NOL4: variants seen among roughly 807,000 people sequenced by gnomAD.
NOL4 encodes cancer/testis antigen 125.
Under a neutral mutation model 75.9 loss-of-function variants are expected in NOL4, and 17 were observed. That is an observed-to-expected ratio of 0.22 (90% CI 0.15 to 0.34). The LOEUF is 0.34. Ranked by LOEUF, NOL4 falls within the 10% of genes least tolerant of loss-of-function variation. The probability of loss-of-function intolerance (pLI) is 1.00; values close to 1 mark genes in which losing one functional copy is unlikely to be tolerated. For synonymous variants in NOL4, 292 were observed against 289.9 expected (o/e 1.01, Z -0.07); for missense variants, 614 against 793.5 (o/e 0.77, Z 2.72).
chr18:34,073,484 C>T (rs1239473179), intron 5 of NOL4, among the ~76,000 whole-genome samples: 4 of 151,934 alleles, frequency 2.6e-5, no homozygotes, highest in African/African-American at 7.2e-5. Context: ...CTCTAGCTTA[C>T]TTAAACTGCC....
intron 2 of NOL4, among the ~76,000 whole-genome samples, chr18:34,122,866 G>A (rs1205939100): frequency 6.6e-6 from 1 of 151,842 alleles, no homozygotes; most frequent in Non-Finnish European, 1.5e-5. Flanking sequence ...CAAACCTCTC[G>A]ATCTGAGTGA....
intron 1 of NOL4, among the ~76,000 whole-genome samples, chr18:34,160,952 C>T (rs575847842): frequency 1.4e-4 from 22 of 152,292 alleles, no homozygotes; most frequent in Admixed American, 7.8e-4. Context: ...TGTCCATTAA[C>T]CAGCTTCTCC....
intron 2 of NOL4, among the ~76,000 whole-genome samples, chr18:34,115,129 C>T (rs1031217145): frequency 6.6e-6 from 1 of 152,092 alleles, no homozygotes; most frequent in Non-Finnish European, 1.5e-5. Context: ...AGTTCGAGCA[C>T]AAAGATGGAG....
At chr18:34,078,611 A>G (rs755424736) in intron 5 of NOL4, among the ~76,000 whole-genome samples, 1 of 152,238 alleles carries the variant, frequency 6.6e-6, no homozygotes, top group Admixed American at 6.5e-5. Flanking sequence ...CATGTTCAAG[A>G]TAACTTATTG....
Position 33,853,042 on chromosome 18 carries a change from A to G in NOL4, c.1724-7T>C, listed in dbSNP as rs756006709. 1.9e-6 allele frequency: 3 copies of G among 1,581,344 alleles called. 1 individual carries two copies. In the South Asian group the frequency reaches 3.5e-5, roughly 18 times the overall value. On this transcript the variant is annotated splice_region_variant and splice_polypyrimidine_tract_variant and intron_variant, in intron 10 of 10. Transcript: ENST00000261592. ...ATGCTGAGATCAGTGGGTCCTAGAA[A>G]GAAAATCATCACAAAATTAGACATA...
At chr18:34,115,047 G>A (rs753247404) in intron 2 of NOL4, among the ~76,000 whole-genome samples, 65 of 152,240 alleles carry the variant, frequency 4.3e-4, no homozygotes, top group Non-Finnish European at 8.1e-4. Context: ...AGGGCAAAGA[G>A]TCCTCGGCAG....
At chr18:34,051,183 C>G (rs1005006421) in intron 5 of NOL4, among the ~76,000 whole-genome samples, 7 of 151,740 alleles carry the variant, frequency 4.6e-5, no homozygotes, top group African/African-American at 1.7e-4. Context: ...GCTTTGTCTC[C>G]CCTGTTCTTA....
At chr18:34,204,853 C>T (rs2036009871) in intron 1 of NOL4, among the ~76,000 whole-genome samples, 1 of 152,030 alleles carries the variant, frequency 6.6e-6, no homozygotes, top group South Asian at 2.1e-4. Flanking sequence ...CAGAAACTGG[C>T]ACATGCATCA....
chr18:34,192,321 A>C (rs2034979269), intron 1 of NOL4, among the ~76,000 whole-genome samples: 1 of 152,206 alleles, frequency 6.6e-6, no homozygotes, highest in South Asian at 2.1e-4. Flanking sequence ...CATAATCCTT[A>C]ATAAAATTCC....
intron 9 of NOL4, among the ~76,000 whole-genome samples, chr18:33,918,975 C>T (rs1311533220): frequency 6.6e-6 from 1 of 151,836 alleles, no homozygotes; most frequent in Non-Finnish European, 1.5e-5. Flanking sequence ...TATTAGTAAT[C>T]TATATATAGA....
chr18:33,979,084 G>A (rs1015891547), intron 6 of NOL4, among the ~76,000 whole-genome samples: 1 of 152,062 alleles, frequency 6.6e-6, no homozygotes, highest in African/African-American at 2.4e-5. Flanking sequence ...ACTCTTGAAG[G>A]TAGGTATGTG....
intron 9 of NOL4, among the ~76,000 whole-genome samples, chr18:33,897,627 G>A (rs2065489057): frequency 6.6e-6 from 1 of 152,036 alleles, no homozygotes; most frequent in African/African-American, 2.4e-5. Flanking sequence ...GTGGGAGGAG[G>A]AAGAGGAGCA....
intron 6 of NOL4, among the ~76,000 whole-genome samples, chr18:34,016,280 A>G (rs2074688643): frequency 1.3e-5 from 2 of 152,034 alleles, no homozygotes; most frequent in African/African-American, 4.8e-5. Flanking sequence ...GATTGCCACA[A>G]TAGCTCTCTA....
chr18:34,198,647 G>A (rs2035511106), intron 1 of NOL4, among the ~76,000 whole-genome samples: 1 of 151,828 alleles, frequency 6.6e-6, no homozygotes, highest in South Asian at 2.1e-4. Context: ...TGTGGATGCT[G>A]TCATTGCTAG....
intron 1 of NOL4, among the ~76,000 whole-genome samples, chr18:34,181,997 G>T (rs1246775625): frequency 6.6e-6 from 1 of 151,486 alleles, no homozygotes; most frequent in Non-Finnish European, 1.5e-5. Flanking sequence ...AAAGAGTCTG[G>T]CAGTTCTCCA....
chr18:34,159,695 A>G (rs1271969022), intron 1 of NOL4, among the ~76,000 whole-genome samples: 1 of 150,824 alleles, frequency 6.6e-6, no homozygotes, highest in African/African-American at 2.4e-5. Flanking sequence ...ACGGCAGCAC[A>G]CTCTCCCAGT....
chr18:34,167,532 T>TTAGATAGATAGTTAGA (rs1555745689), intron 1 of NOL4, among the ~76,000 whole-genome samples: 1 of 149,872 alleles, frequency 6.7e-6, no homozygotes, highest in Admixed American at 6.7e-5. Flanking sequence ...CCTCAAATAA[T>TTAGATAGATAGTTAGA]TAGATAGATA....
At position 34,113,503 on chromosome 18, in the gene NOL4, G is replaced by GT. The variant is rs528927697; in HGVS notation, c.415-8344dup. Among the ~76,000 whole-genome samples the GT allele has an allele frequency of 3.0e-3, 454 of 152,162 alleles. 2 individuals carry two copies. Among genetic ancestry groups the GT allele is most frequent in the Admixed American group, 8.2e-3 (126 of 15,280 alleles). On this transcript the variant is annotated intron_variant, in intron 2 of 10. Transcript: ENST00000261592. ...TTTTAAAAATTAGTTGTGCATGGTAGTGTGTGCCTGTAGTCTCAGCTGGTC... is the reference window on the plus strand; with the variant it reads ...TTTTAAAAATTAGTTGTGCATGGTAGTTGTGTGCCTGTAGTCTCAGCTGGTC...
chr18:33,928,856 T>C (rs2067505133), intron 9 of NOL4, among the ~76,000 whole-genome samples: 1 of 152,200 alleles, frequency 6.6e-6, no homozygotes, highest in Non-Finnish European at 1.5e-5. Context: ...TGAGCTAATG[T>C]GGCATGGAAG....
Sources: gnomAD v4.1 joint callset for allele counts (sites outside exome capture counted in the v4.1 genomes callset) on GRCh38, gnomAD v4.1.1 for gene constraint, MANE v1.5 for transcripts, NCBI Gene and HGNC (gene_info 2026-07-23, HGNC 2026-07-21) for gene names.